Variants in PCDHB14 observed in about 807,000 individuals in gnomAD.
PCDHB14 encodes protocadherin beta-14.
For missense variants in PCDHB14, 1,129 were observed against 1,000.5 expected (o/e 1.13, Z -1.73); for synonymous variants, 511 against 441.5 (o/e 1.16, Z -1.97).
At position 141,224,818 on chromosome 5, in the gene PCDHB14, C is replaced by G. The variant is rs1554289243; in HGVS notation, c.1313C>G (p.Thr438Ser). The G allele has an allele frequency of 5.0e-6, 8 of 1,613,990 alleles. No homozygotes were observed. The highest frequency in any genetic ancestry group is 6.8e-6 in the Non-Finnish European group (8 of 1,180,034). Reference sequence around the variant, plus strand: ...AGGCTGAAAACCGAGTACAACATAACCGTGCTGCTCTCTGACGTCAATGAC... The same window carrying G: ...AGGCTGAAAACCGAGTACAACATAAGCGTGCTGCTCTCTGACGTCAATGAC... ...TPRLKTEYNI[T>S]VLLSDVNDNA... is the part of the protein sequence containing the mutation. Residue 438 changes from threonine to serine, a missense_variant, in exon 1 of 1, where the codon ACC (threonine) becomes AGC (serine). Transcript: ENST00000239449.
chr5:141,224,637 A>C lies in PCDHB14; in HGVS notation c.1132A>C (p.Asn378His). ...FSILDQDSGD[N>H]GRMICSIQDN... The stretch of plus-strand genomic sequence containing the variant: ...TATCCTAGACCAAGACTCTGGAGAC[A>C]ATGGGAGGATGATTTGCTCTATTCA... Residue 378 changes from asparagine to histidine, a missense_variant, in exon 1 of 1, where the codon AAT (asparagine) becomes CAT (histidine). By Grantham distance (68) the Asn-to-His change is moderately conservative (BLOSUM62 1). Coordinates refer to ENST00000239449, the MANE Select transcript of PCDHB14 (RefSeq NM_018934.4). The C allele has an allele frequency of 6.2e-7, 1 of 1,614,178 alleles. No individual in the cohort carries two copies. The highest frequency in any genetic ancestry group is 8.5e-7 in the Non-Finnish European group (1 of 1,180,030).
chr5:141,225,835 A>G lies in PCDHB14; in HGVS notation c.2330A>G (p.His777Arg), dbSNP rs782260115. The G allele has an allele frequency of 1.2e-6, 2 of 1,614,100 alleles. No homozygotes were observed. The highest frequency in any genetic ancestry group is 1.7e-6 in the Non-Finnish European group (2 of 1,179,922). Residue 777 changes from histidine (H) to arginine (R), a missense_variant, in exon 1 of 1, where the codon CAT becomes CGT. Physicochemically the swap from His to Arg is conservative, Grantham distance 29 (BLOSUM62 0). Transcript: ENST00000239449. The part of the protein sequence containing the change: ...LKPIIPNFQV[H>R]DTGRNMGEIE... ...CCGATTATCCCCAATTTTCAAGTTC[A>G]TGACACTGGTAGGAATATGGGGGAA...
In PCDHB14 at chr5:141,224,385, A is replaced by T. The variant is rs1554289162; in HGVS notation, c.880A>T (p.Ile294Phe). ...ASEDIRKTFEINPISGEVNLR... is the reference protein window; with the variant it reads ...ASEDIRKTFEFNPISGEVNLR... ...AGAAGATATTCGTAAAACATTTGAAATTAATCCAATATCTGGGGAAGTTAA... is the reference window on the plus strand; with the variant it reads ...AGAAGATATTCGTAAAACATTTGAATTTAATCCAATATCTGGGGAAGTTAA... The change falls in exon 1 of 1, where the codon ATT becomes TTT. Residue 294 changes from isoleucine (I) to phenylalanine (F), a missense_variant. Coordinates refer to ENST00000239449, the MANE Select transcript of PCDHB14 (RefSeq NM_018934.4). 2 of 1,608,776 alleles carry T rather than the reference A, an allele frequency of 1.2e-6. No homozygotes were observed. The highest frequency in any genetic ancestry group is 2.2e-5 in the South Asian group (2 of 89,950).
Position 141,224,536 on chromosome 5 carries a change from C to A in PCDHB14, c.1031C>A (p.Pro344Gln), listed in dbSNP as rs1005217618. 1.2e-6 allele frequency: 2 copies of A among 1,612,720 alleles called. No individual in the cohort carries two copies. Among genetic ancestry groups the A allele is most frequent in the Non-Finnish European group, 1.7e-6 (2 of 1,179,644 alleles). Reference protein sequence around the residue: ...LVKVMDINDNPPEVTISSITK... With the variant: ...LVKVMDINDNQPEVTISSITK... ...AAAGTTATGGATATAAACGACAACC[C>A]ACCAGAAGTGACCATATCGTCGATT... is the stretch of plus-strand genomic sequence containing the variant. Residue 344 changes from proline (P) to glutamine (Q), a missense_variant, in exon 1 of 1, where the codon CCA becomes CAA. Transcript: ENST00000239449.
Position 141,225,073 on chromosome 5 carries a change from C to T in PCDHB14, c.1568C>T (p.Ala523Val). The T allele has an allele frequency of 6.2e-7, 1 of 1,612,402 alleles. No individual in the cohort carries two copies. Among genetic ancestry groups the T allele is most frequent in the Non-Finnish European group, 8.5e-7 (1 of 1,179,892 alleles). The change falls in exon 1 of 1, where the codon GCC (alanine) becomes GTC (valine). Residue 523 changes from alanine to valine, a missense_variant. By Grantham distance (64) the Ala-to-Val change is moderately conservative. Transcript: ENST00000239449. ...GCCCTCAGGTCGCTGGACTACGAGG[C>T]CCTACAGGAGTTCGAGTTTCGCGTG... is the stretch of plus-strand genomic sequence containing the variant. ...LFALRSLDYE[A>V]LQEFEFRVGA...
Position 141,225,228 on chromosome 5 carries a change from C to G in PCDHB14, c.1723C>G (p.Leu575Val), listed in dbSNP as rs781865153. Residue 575 changes from leucine (L) to valine (V), a missense_variant, in exon 1 of 1, where the codon CTG becomes GTG. By Grantham distance (32) the Leu-to-Val change is conservative. Transcript: ENST00000239449. ...LQNGSAPCTE[L>V]VPRAAEPGYL... ...GAACGGCTCCGCGCCCTGCACCGAG[C>G]TGGTGCCCCGGGCGGCCGAGCCGGG... The G allele has an allele frequency of 4.4e-6, 7 of 1,602,472 alleles. No homozygotes were observed. The Admixed American group carries it at 1.2e-4, about 27-fold the overall frequency.
rs782131400 is a variant in PCDHB14, at chr5:141,225,698, C to T, written c.2193C>T (p.Pro731=). 2.5e-6 allele frequency: 4 copies of T among 1,614,210 alleles called. No individual in the cohort carries two copies. Among genetic ancestry groups the T allele is most frequent in the Non-Finnish European group, 1.7e-6 (2 of 1,180,044 alleles). Residue 731 remains proline, a synonymous_variant, in exon 1 of 1, where the codon CCC becomes CCT. Transcript: ENST00000239449. ...GTCGCTGCTCGGTGCCCGAGGGTCC[C>T]TTTCCAGGGCATCTGGTGGACGTGA... ...SVGRCSVPEG[P]FPGHLVDVSG...
At position 141,225,664 on chromosome 5, in the gene PCDHB14, C is replaced by T. The variant is rs781921246; in HGVS notation, c.2159C>T (p.Ala720Val). 9.3e-6 allele frequency: 15 copies of T among 1,613,872 alleles called. No homozygotes were observed. The highest frequency in any genetic ancestry group is 1.2e-5 in the Non-Finnish European group (14 of 1,180,026). Residue 720 changes from alanine to valine, a missense_variant, in exon 1 of 1, where the codon GCC (alanine) becomes GTC (valine). Ala to Val is a moderately conservative substitution (Grantham distance 64). Coordinates refer to ENST00000239449, the MANE Select transcript of PCDHB14 (RefSeq NM_018934.4). ...CGGCTGTGCAGGAGGAGCAGGGCGG[C>T]CTCGGTGGGTCGCTGCTCGGTGCCC... ...AVRLCRRSRA[A>V]SVGRCSVPEG...
rs1014660639 is a variant in PCDHB14 at position 141,227,759 on chromosome 5, A to G, written c.*1857A>G. 6.6e-6 allele frequency: 1 copy of G among 152,178 alleles called. No homozygotes were observed. Among genetic ancestry groups the G allele is most frequent in the Non-Finnish European group, 1.5e-5 (1 of 68,014 alleles). 9.4% of individuals were successfully genotyped at this position (152,178 alleles called of 1,614,324 possible). On this transcript the variant is annotated 3_prime_UTR_variant, in exon 1 of 1. Transcript: ENST00000239449. ...TTTAAACAATAAAATCCTGAAAAGA[A>G]TATTTGGGTCCCCTTTTTCCCTCAG...
At position 141,223,849 on chromosome 5, in the gene PCDHB14, A is replaced by G; in HGVS notation, c.344A>G (p.Gln115Arg). ...CAGGTGGTTTTGGAAAACCCTTTAC[A>G]GTTTTTTCGGTTTGAGCTGTGTGTC... ...HFQVVLENPL[Q>R]FFRFELCVKD... is the part of the protein sequence containing the mutation. The change falls in exon 1 of 1, where the codon CAG becomes CGG. Residue 115 changes from glutamine to arginine, a missense_variant. Transcript: ENST00000239449. The G allele has an allele frequency of 6.2e-7, 1 of 1,613,410 alleles. No individual in the cohort carries two copies. The highest frequency in any genetic ancestry group is 2.2e-5 in the East Asian group (1 of 44,870).
In PCDHB14 at chr5:141,224,652, T is replaced by A; in HGVS notation, c.1147T>A (p.Cys383Ser). The change falls in exon 1 of 1, where the codon TGC (cysteine) becomes AGC (serine). Residue 383 changes from cysteine to serine, a missense_variant. By Grantham distance (112) the Cys-to-Ser change is moderately radical. Coordinates refer to ENST00000239449, the MANE Select transcript of PCDHB14 (RefSeq NM_018934.4). ...CTCTGGAGACAATGGGAGGATGATT[T>A]GCTCTATTCAAGATAACCTCCCTTT... ...QDSGDNGRMICSIQDNLPFFL... is the reference protein window; with the variant it reads ...QDSGDNGRMISSIQDNLPFFL... 6.2e-7 allele frequency: 1 copy of A among 1,614,190 alleles called. No homozygotes were observed. The highest frequency in any genetic ancestry group is 8.5e-7 in the Non-Finnish European group (1 of 1,180,042).
At position 141,224,753 on chromosome 5, in the gene PCDHB14, G is replaced by C. The variant is rs1425668939; in HGVS notation, c.1248G>C (p.Glu416Asp). The C allele has an allele frequency of 3.7e-6, 6 of 1,614,154 alleles. No homozygotes were observed. The highest frequency in any genetic ancestry group is 5.1e-6 in the Non-Finnish European group (6 of 1,180,010). ...EKALDRESQA[E>D]YNITITVTDL... ...CACTGGACAGAGAGAGCCAAGCCGA[G>C]TACAACATCACGATCACCGTCACAG... Residue 416 changes from glutamate (E) to aspartate (D), a missense_variant, in exon 1 of 1, where the codon GAG (glutamate) becomes GAC (aspartate). Transcript: ENST00000239449.
In PCDHB14 at chr5:141,225,599, G is replaced by A. The variant is rs147814055; in HGVS notation, c.2094G>A (p.Ser698=). 1.9e-6 allele frequency: 3 copies of A among 1,611,606 alleles called. No homozygotes were observed. Among genetic ancestry groups the A allele is most frequent in the Non-Finnish European group, 2.5e-6 (3 of 1,179,820 alleles). The stretch of plus-strand genomic sequence containing the variant: ...TGGTGGTGGCATTGGCCTCGGTGTC[G>A]TCGCTCTTCCTCTTCTCGGTGCTCC... ...VYLVVALASV[S]SLFLFSVLLF... is the part of the protein sequence containing the mutation. Residue 698 remains serine, a synonymous_variant, in exon 1 of 1, where the codon TCG becomes TCA. Coordinates refer to ENST00000239449, the MANE Select transcript of PCDHB14 (RefSeq NM_018934.4).
chr5:141,225,740 G>C lies in PCDHB14; in HGVS notation c.2235G>C (p.Leu745=). Residue 745 remains leucine, a synonymous_variant, in exon 1 of 1, where the codon CTG becomes CTC. Transcript: ENST00000239449. ...HLVDVSGTGT[L]SQSYQYEVCL... ...TGGACGTGAGCGGCACCGGGACCCT[G>C]TCCCAGAGCTACCAATACGAGGTGT... 2.5e-6 allele frequency: 4 copies of C among 1,614,222 alleles called. No homozygotes were observed. Among genetic ancestry groups the C allele is most frequent in the Non-Finnish European group, 3.4e-6 (4 of 1,180,044 alleles).
rs1332522933 is a variant in PCDHB14, at chr5:141,225,041, C to T, written c.1536C>T (p.His512=). The T allele has an allele frequency of 2.5e-6, 4 of 1,612,480 alleles. No individual in the cohort carries two copies. Among genetic ancestry groups the T allele is most frequent in the Middle Eastern group, 2.1e-4 (1 of 4,782 alleles). Residue 512 remains histidine (H), a synonymous_variant, in exon 1 of 1, where the codon CAC becomes CAT. Coordinates refer to ENST00000239449, the MANE Select transcript of PCDHB14 (RefSeq NM_018934.4). The part of the protein sequence containing the change: ...SLVSINADNG[H]LFALRSLDYE... ...TCTCCATCAACGCGGACAATGGCCA[C>T]CTGTTTGCCCTCAGGTCGCTGGACT...
rs1425668939 is a variant in PCDHB14, at chr5:141,224,753, G to A, written c.1248G>A (p.Glu416=). The A allele has an allele frequency of 5.0e-6, 8 of 1,614,154 alleles. No homozygotes were observed. Among genetic ancestry groups the A allele is most frequent in the Non-Finnish European group, 6.8e-6 (8 of 1,180,010 alleles). The change falls in exon 1 of 1, where the codon GAG becomes GAA. Residue 416 remains glutamate, a synonymous_variant. Transcript: ENST00000239449. ...EKALDRESQA[E]YNITITVTDL... is the part of the protein sequence containing the mutation. ...CACTGGACAGAGAGAGCCAAGCCGA[G>A]TACAACATCACGATCACCGTCACAG... is the stretch of plus-strand genomic sequence containing the variant.
Position 141,223,768 on chromosome 5 carries a change from A to G in PCDHB14, c.263A>G (p.Glu88Gly). ...DLLTGNLLLNEKLDRDELCGS... is the reference protein window; with the variant it reads ...DLLTGNLLLNGKLDRDELCGS... ...CTGACTGGGAATTTGCTCCTAAATG[A>G]GAAACTAGACCGAGACGAGCTGTGT... Residue 88 changes from glutamate (E) to glycine (G), a missense_variant, in exon 1 of 1, where the codon GAG becomes GGG. Glu to Gly is a moderately conservative substitution (Grantham distance 98). Coordinates refer to ENST00000239449, the MANE Select transcript of PCDHB14 (RefSeq NM_018934.4). The G allele has an allele frequency of 1.2e-6, 2 of 1,614,152 alleles. No homozygotes were observed. The highest frequency in any genetic ancestry group is 1.7e-4 in the Middle Eastern group (1 of 6,060).
rs2149686023 is a variant in PCDHB14 at position 141,224,809 on chromosome 5, AC to A, written c.1305del (p.Tyr435Ter). ...DLGTPRLKTE[Y>X]NITVLLSDVN... ...GGGACACCCAGGCTGAAAACCGAGT[AC>A]AACATAACCGTGCTGCTCTCTGACG... is the stretch of plus-strand genomic sequence containing the variant. On this transcript the variant is annotated frameshift_variant, in exon 1 of 1. Coordinates refer to ENST00000239449, the MANE Select transcript of PCDHB14 (RefSeq NM_018934.4). LOFTEE classifies it low-confidence loss of function (END_TRUNC). 6.2e-7 allele frequency: 1 copy of A among 1,614,166 alleles called. No individual in the cohort carries two copies. The highest frequency in any genetic ancestry group is 2.2e-5 in the East Asian group (1 of 44,874).
In PCDHB14 at chr5:141,226,851, G is replaced by A. The variant is rs181994744; in HGVS notation, c.*949G>A. 28 of 152,392 alleles carry A rather than the reference G, an allele frequency of 1.8e-4. No homozygotes were observed. The highest frequency in any genetic ancestry group is 1.7e-3 in the Admixed American group (26 of 15,296). The allele number at this position is 152,392 out of a possible 1,614,324, so 9.4% of individuals were successfully genotyped here. A position where few individuals can be genotyped will look rare whatever the true frequency, so the allele number is the denominator to read the frequency against. Reference sequence around the variant, plus strand: ...CTAGTTTTTTGTTTTTGTTTTTTGAGACAAAGTCTCACTTTGTTGTCCAGG... The same window carrying A: ...CTAGTTTTTTGTTTTTGTTTTTTGAAACAAAGTCTCACTTTGTTGTCCAGG... On this transcript the variant is annotated 3_prime_UTR_variant, in exon 1 of 1. Transcript: ENST00000239449.
Sources: allele counts gnomAD v4.1 joint callset, GRCh38; gene constraint gnomAD v4.1.1; transcripts MANE v1.5; gene names NCBI Gene and HGNC (gene_info 2026-07-23, HGNC 2026-07-21).